Variants in UGT2B15 observed in about 807,000 individuals in gnomAD.
The protein encoded by UGT2B15 is UDP glucuronosyltransferase family 2 member B15, also known as UDP-glucuronosyltransferase 2B15.
Under a neutral mutation model 45.9 loss-of-function variants are expected in UGT2B15, and 36 were observed. That is an observed-to-expected ratio of 0.78 (90% CI 0.60 to 1.04). The LOEUF (loss-of-function observed/expected upper bound fraction) is 1.04. Ranked by LOEUF, UGT2B15 falls within the 50% of genes least tolerant of loss-of-function variation. UGT2B15 has a pLI of 0.00. For synonymous variants in UGT2B15, 219 were observed against 216.4 expected, an observed-to-expected ratio of 1.01 and a Z score of -0.11; for missense variants, 617 against 622.4, an observed-to-expected ratio of 0.99 and a Z score of 0.09.
chr4:68,670,225 C>T lies in UGT2B15; in HGVS notation c.394G>A (p.Val132Ile), dbSNP rs1376045245. The change falls in exon 1 of 6, where the codon GTT becomes ATT. Residue 132 changes from valine to isoleucine, a missense_variant. Val to Ile is a conservative substitution (Grantham distance 29). This residue lies in a region of UGT2B15 where 351 missense variants were observed against 342.1 expected (regional missense o/e 1.03). Transcript: ENST00000338206. Reference sequence around the variant, plus strand: ...TTCATCATAAGTTTCTTATTCAAAACTGCATCTTTACAGAGCTTGTTACTG... The same window carrying T: ...TTCATCATAAGTTTCTTATTCAAAATTGCATCTTTACAGAGCTTGTTACTG... ...DYSNKLCKDA[V>I]LNKKLMMKLQ... 8.1e-6 allele frequency: 13 copies of T among 1,613,862 alleles called. No homozygotes were observed. Among genetic ancestry groups the T allele is most frequent in the Non-Finnish European group, 8.5e-7 (1 of 1,179,978 alleles).
intron 2 of UGT2B15, among the ~76,000 whole-genome samples, chr4:68,667,466 T>C (rs2109835998): frequency 6.6e-6 from 1 of 152,214 alleles, no homozygotes; most frequent in Admixed American, 6.5e-5. Flanking sequence ...GTGAGCCACC[T>C]TGCCTGGCCT....
intron 3 of UGT2B15, among the ~76,000 whole-genome samples, chr4:68,660,660 A>C (rs1732937278): frequency 6.6e-6 from 1 of 151,986 alleles, no homozygotes; most frequent in Non-Finnish European, 1.5e-5. Context: ...AGTCTTGCCT[A>C]ATGTTTTTCA....
At chr4:68,648,818 T>G (rs1251092637) in intron 5 of UGT2B15, among the ~76,000 whole-genome samples, 1 of 152,124 alleles carries the variant, frequency 6.6e-6, no homozygotes, top group Non-Finnish European at 1.5e-5. Context: ...TAATACATAT[T>G]CATTTCTGTT....
intron 3 of UGT2B15, among the ~76,000 whole-genome samples, chr4:68,656,921 C>T (rs569243371): frequency 3.7e-4 from 56 of 152,090 alleles, no homozygotes; most frequent in East Asian, 1.5e-3. Flanking sequence ...TAATGGCAGA[C>T]GAGTTACAAA....
chr4:68,656,626 G>A (rs1349049106), intron 3 of UGT2B15, among the ~76,000 whole-genome samples: 1 of 152,032 alleles, frequency 6.6e-6, no homozygotes, highest in Non-Finnish European at 1.5e-5. Context: ...ATGTTCTTTT[G>A]TTTACTTTTC....
chr4:68,653,125 T>A (rs1396903293), intron 5 of UGT2B15, among the ~76,000 whole-genome samples: 2 of 152,140 alleles, frequency 1.3e-5, no homozygotes, highest in African/African-American at 4.8e-5. Context: ...AAACAACAAT[T>A]TCCCATATGT....
At position 68,670,334 on chromosome 4, in the gene UGT2B15, A is replaced by G. The variant is rs761851264; in HGVS notation, c.285T>C (p.Asp95=). The G allele has an allele frequency of 6.2e-7, 1 of 1,613,560 alleles. No homozygotes were observed. The highest frequency in any genetic ancestry group is 1.7e-5 in the Admixed American group (1 of 59,856). Residue 95 remains aspartate, a synonymous_variant, in exon 1 of 6, where the codon GAT becomes GAC. Transcript: ENST00000338206. ...TTTTTGAAACACCATATATCCATCT[A>G]TCGAGAATTTTCAGAAGAGAATCTT... The part of the protein sequence containing the change: ...YLEDSLLKIL[D]RWIYGVSKNT...
chr4:68,665,959 A>C (rs148372476), intron 2 of UGT2B15, among the ~76,000 whole-genome samples: 23,830 of 152,086 alleles, frequency 0.16, 2,175 homozygotes, highest in Non-Finnish European at 0.22. Context: ...AGGCAGGAGA[A>C]TCAGATCGCT....
At chr4:68,668,314 G>T in intron 1 of UGT2B15, 126 bp from the exon 2 acceptor site, 1 of 1,344,528 alleles carries the variant, frequency 7.4e-7, no homozygotes, top group Non-Finnish European at 1.0e-6. Context: ...TCTGTGCATT[G>T]ATAAAATATA....
At chr4:68,650,438 G>C (rs1052644492) in intron 5 of UGT2B15, among the ~76,000 whole-genome samples, 3 of 152,012 alleles carry the variant, frequency 2.0e-5, no homozygotes, top group African/African-American at 4.8e-5. Context: ...TGCGGATAAT[G>C]GCTTTGCATT....
At position 68,648,860 on chromosome 4, in the gene UGT2B15, TAG is replaced by T. The variant is rs563998524; in HGVS notation, c.1314-1479_1314-1478del. The stretch of plus-strand genomic sequence containing the variant: ...TAGCAGTTGTTTAATAGCATTGGTG[TAG>T]AGAGTATTCAGTTGATTGACAAAGA... On this transcript the variant is annotated intron_variant, in intron 5 of 5. Transcript: ENST00000338206. Among the ~76,000 whole-genome samples the T allele has an allele frequency of 8.2e-4, 125 of 152,236 alleles. 1 individual carries two copies. Among genetic ancestry groups the T allele is most frequent in the African/African-American group, 2.9e-3 (122 of 41,542 alleles).
chr4:68,663,028 G>A lies in UGT2B15; in HGVS notation c.985C>T (p.Leu329Phe). 1 of 1,529,952 alleles carries A rather than the reference G, an allele frequency of 6.5e-7. No individual in the cohort carries two copies. Among genetic ancestry groups the A allele is most frequent in the South Asian group, 1.1e-5 (1 of 87,072 alleles). 94.8% of individuals were successfully genotyped at this position (1,529,952 alleles called of 1,614,324 possible). A position where few individuals can be genotyped will look rare whatever the true frequency, so the allele number is the denominator to read the frequency against. The change falls in exon 3 of 6, where the codon CTT (leucine) becomes TTT (phenylalanine). Residue 329 changes from leucine (L) to phenylalanine (F), a missense_variant. This residue lies in a region of UGT2B15 where 265 missense variants were observed against 245.1 expected (regional missense o/e 1.08). Coordinates refer to ENST00000338206, the MANE Select transcript of UGT2B15 (RefSeq NM_001076.4). ...CTAACCTTTTGTGGGATCTGGGCAAGGGCTGATGCAATCATGTTGGCACTT... is the reference window on the plus strand; with the variant it reads ...CTAACCTTTTGTGGGATCTGGGCAAAGGCTGATGCAATCATGTTGGCACTT... Reference protein sequence around the residue: ...EESANMIASALAQIPQKVLWR... With the variant: ...EESANMIASAFAQIPQKVLWR...
chr4:68,656,431 A>G (rs577912880), intron 3 of UGT2B15, among the ~76,000 whole-genome samples: 46 of 149,566 alleles, frequency 3.1e-4, no homozygotes, highest in African/African-American at 1.1e-3. Flanking sequence ...TTCTCCCATC[A>G]GATTTGATGA....
rs994251602 is a variant in UGT2B15 at position 68,646,862 on chromosome 4, G to C, written c.*242C>G. Reference sequence around the variant, plus strand: ...CCAGTAACTCGTCATTTAACATTAGGTATATCTCCAAATGCTATCCTTCCC... The same window carrying C: ...CCAGTAACTCGTCATTTAACATTAGCTATATCTCCAAATGCTATCCTTCCC... On this transcript the variant is annotated 3_prime_UTR_variant, in exon 6 of 6. Coordinates refer to ENST00000338206, the MANE Select transcript of UGT2B15 (RefSeq NM_001076.4). 1 of 570,226 alleles carries C rather than the reference G, an allele frequency of 1.8e-6. No homozygotes were observed. The highest frequency in any genetic ancestry group is 1.9e-5 in the African/African-American group (1 of 53,332). 35.3% of individuals were successfully genotyped at this position (570,226 alleles called of 1,614,324 possible).
At position 68,655,100 on chromosome 4, in the gene UGT2B15, A is replaced by C; in HGVS notation, c.1088T>G (p.Leu363Arg). 5 of 1,613,072 alleles carry C rather than the reference A, an allele frequency of 3.1e-6. No homozygotes were observed. The highest frequency in any genetic ancestry group is 4.2e-6 in the Non-Finnish European group (5 of 1,179,504). The change falls in exon 4 of 6, where the codon CTT becomes CGT. Residue 363 changes from leucine (L) to arginine (R), a missense_variant. By Grantham distance (102) the Leu-to-Arg change is moderately radical. Coordinates refer to ENST00000338206, the MANE Select transcript of UGT2B15 (RefSeq NM_001076.4). The part of the protein sequence containing the change: ...RLYKWLPQND[L>R]LGHPKTKAFI... ...TTTGTTCTCCAGAATCTTACCAAGA[A>C]GGTCATTCTGGGGTAACCACTTGTA...
chr4:68,664,916 G>A (rs1434067408), intron 2 of UGT2B15, among the ~76,000 whole-genome samples: 1 of 152,078 alleles, frequency 6.6e-6, no homozygotes, highest in Non-Finnish European at 1.5e-5. Context: ...GATAATTCAT[G>A]AGGCATCCAG....
intron 3 of UGT2B15, among the ~76,000 whole-genome samples, chr4:68,660,891 T>A (rs546699625): frequency 9.9e-5 from 15 of 151,978 alleles, no homozygotes; most frequent in African/African-American, 3.4e-4. Flanking sequence ...ATAATCCACT[T>A]TCATACCTGC....
At chr4:68,661,067 A>G (rs968139676) in intron 3 of UGT2B15, among the ~76,000 whole-genome samples, 3 of 152,048 alleles carry the variant, frequency 2.0e-5, no homozygotes, top group Non-Finnish European at 4.4e-5. Flanking sequence ...GGACCTGCTT[A>G]GGAATAAACC....
Position 68,668,096 on chromosome 4 carries a change from G to T in UGT2B15, c.817C>A (p.Pro273Thr). Residue 273 changes from proline (P) to threonine (T), a missense_variant, in exon 2 of 6, where the codon CCA becomes ACA. Physicochemically the swap from Pro to Thr is conservative, Grantham distance 38 (BLOSUM62 -1). Around this residue, in one of 3 missense-constraint regions of UGT2B15, gnomAD observed 351 missense variants for 342.1 expected, o/e 1.03. Coordinates refer to ENST00000338206, the MANE Select transcript of UGT2B15 (RefSeq NM_001076.4). ...WDFEFPRPFLPNVDFVGGLHC... is the reference protein window; with the variant it reads ...WDFEFPRPFLTNVDFVGGLHC... ...AGTCCTCCAACAAAATCAACATTTG[G>T]TAAGAATGGGCGAGGAAATTCAAAA... is the stretch of plus-strand genomic sequence containing the variant. 6.2e-7 allele frequency: 1 copy of T among 1,613,966 alleles called. No individual in the cohort carries two copies. The highest frequency in any genetic ancestry group is 8.5e-7 in the Non-Finnish European group (1 of 1,179,952).
Sources: gnomAD v4.1 joint callset for allele counts (sites outside exome capture counted in the v4.1 genomes callset) on GRCh38, gnomAD v4.1.1 for gene constraint, gnomAD v4.1.1 regional missense constraint, MANE v1.5 for transcripts, NCBI Gene and HGNC (gene_info 2026-07-23, HGNC 2026-07-21) for gene names.